The following DIAPH3 variants were observed in gnomAD, a reference collection of about 807,000 sequenced individuals.
DIAPH3 encodes the protein protein diaphanous homolog 3.
In DIAPH3, 117 loss-of-function variants were observed where a neutral mutation model predicts 144.3. That is an observed-to-expected ratio of 0.81 (90% CI 0.70 to 0.95). DIAPH3 has a LOEUF of 0.95. Ranked by LOEUF, DIAPH3 falls within the 40% of genes least tolerant of loss-of-function variation. The pLI, the probability that DIAPH3 is intolerant of heterozygous loss-of-function variation, is 0.00. For synonymous variants in DIAPH3, 519 were observed against 488.9 expected (o/e 1.06, Z -0.81); for missense variants, 1,421 against 1,412.7 (o/e 1.01, Z -0.09).
chr13:59,966,762 T>C (rs2140533755), intron 17 of DIAPH3, among the ~76,000 whole-genome samples: 1 of 152,286 alleles, frequency 6.6e-6, no homozygotes, highest in South Asian at 2.1e-4. Context: ...GCATCTATCA[T>C]TTAAATGCCT....
In DIAPH3 at chr13:60,133,007, G is replaced by C; in HGVS notation, c.181-18C>G. ...TTTAAATGCTGCAAATTAAAAAAAAGCAATCATATTAGTAATTTATAACAG... is the reference window on the plus strand; with the variant it reads ...TTTAAATGCTGCAAATTAAAAAAAACCAATCATATTAGTAATTTATAACAG... On this transcript the variant is annotated intron_variant, in intron 1 of 27. Coordinates refer to ENST00000400324, the MANE Select transcript of DIAPH3 (RefSeq NM_001042517.2). The C allele has an allele frequency of 6.3e-7, 1 of 1,575,316 alleles. No homozygotes were observed. Among genetic ancestry groups the C allele is most frequent in the South Asian group, 1.1e-5 (1 of 89,430 alleles).
chr13:59,989,832 A>G (rs1388338825), intron 12 of DIAPH3, among the ~76,000 whole-genome samples: 1 of 151,936 alleles, frequency 6.6e-6, no homozygotes, highest in Non-Finnish European at 1.5e-5. Context: ...CTGCAGGACT[A>G]CAGGCATGTT....
chr13:60,149,210 G>A (rs1321212222), intron 1 of DIAPH3, among the ~76,000 whole-genome samples: 8 of 152,170 alleles, frequency 5.3e-5, no homozygotes, highest in African/African-American at 1.7e-4. Flanking sequence ...GCCAAAAACA[G>A]CAGTAAAGAG....
At chr13:59,922,690 G>C (rs1173104032) in intron 18 of DIAPH3, among the ~76,000 whole-genome samples, 2 of 152,048 alleles carry the variant, frequency 1.3e-5, no homozygotes, top group African/African-American at 4.8e-5. Context: ...GCTACCATCA[G>C]AGAGGAGAAG....
At chr13:60,128,750 T>C (rs1378482563) in intron 2 of DIAPH3, among the ~76,000 whole-genome samples, 1 of 151,400 alleles carries the variant, frequency 6.6e-6, no homozygotes, top group Non-Finnish European at 1.5e-5. Context: ...TTGTGGGTCA[T>C]GAAATCAATT....
At chr13:59,768,662 G>T (rs563924159) in intron 27 of DIAPH3, among the ~76,000 whole-genome samples, 15 of 152,090 alleles carry the variant, frequency 9.9e-5, no homozygotes, top group Non-Finnish European at 2.2e-4. Flanking sequence ...AGAAAAATAT[G>T]CTAATTCAAA....
intron 25 of DIAPH3, among the ~76,000 whole-genome samples, chr13:59,795,288 C>T (rs2039531824): frequency 6.6e-6 from 1 of 152,090 alleles, no homozygotes; most frequent in African/African-American, 2.4e-5. Flanking sequence ...AGTAGATAGG[C>T]TGATAATATA....
chr13:59,887,500 A>G (rs1393509894), intron 20 of DIAPH3, among the ~76,000 whole-genome samples: 1 of 152,044 alleles, frequency 6.6e-6, no homozygotes, highest in Non-Finnish European at 1.5e-5. Flanking sequence ...TAGGTTATGC[A>G]ATTTTTAGAC....
At chr13:59,802,783 G>A (rs1162984018) in intron 25 of DIAPH3, among the ~76,000 whole-genome samples, 3 of 142,274 alleles carry the variant, frequency 2.1e-5, no homozygotes, top group Non-Finnish European at 4.5e-5. Context: ...GCGGGTTCAC[G>A]CCATTCTCCT....
intron 1 of DIAPH3, among the ~76,000 whole-genome samples, chr13:60,144,276 G>A (rs1951405834): frequency 6.6e-6 from 1 of 152,088 alleles, no homozygotes; most frequent in African/African-American, 2.4e-5. Context: ...AGCCTGCCAT[G>A]GATAATTTTA....
intron 22 of DIAPH3, among the ~76,000 whole-genome samples, chr13:59,854,009 T>C (rs1029477584): frequency 1.1e-4 from 17 of 152,098 alleles, no homozygotes; most frequent in African/African-American, 2.2e-4. Context: ...TATTTGGAAA[T>C]AGGAACTTTG....
intron 5 of DIAPH3, among the ~76,000 whole-genome samples, chr13:60,018,039 G>A (rs1368128789): frequency 6.6e-6 from 1 of 152,184 alleles, no homozygotes; most frequent in Non-Finnish European, 1.5e-5. Flanking sequence ...GCAGGGAAGT[G>A]AGGAGAAATC....
At chr13:59,843,643 C>A (rs1802739014) in intron 22 of DIAPH3, among the ~76,000 whole-genome samples, 1 of 152,186 alleles carries the variant, frequency 6.6e-6, no homozygotes, top group African/African-American at 2.4e-5. Context: ...TCTACAGATG[C>A]AAATCTCACT....
rs2057868480 is a variant in DIAPH3, at chr13:60,089,715, A to G, written c.495+3913T>C. Among the ~76,000 whole-genome samples the G allele has an allele frequency of 3.3e-5, 5 of 152,320 alleles. No homozygotes were observed. In the South Asian group the frequency reaches 1.0e-3, roughly 32 times the overall value. On this transcript the variant is annotated intron_variant, in intron 4 of 27. Coordinates refer to ENST00000400324, the MANE Select transcript of DIAPH3 (RefSeq NM_001042517.2). ...TTCTTCTTAAAAGACATTTTCTCCA[A>G]TAAACTTGCTGTTAAACATCTGAGT... is the stretch of plus-strand genomic sequence containing the variant.
chr13:59,866,340 G>A (rs1453682963), intron 21 of DIAPH3, among the ~76,000 whole-genome samples: 1 of 152,036 alleles, frequency 6.6e-6, no homozygotes, highest in Non-Finnish European at 1.5e-5. Flanking sequence ...TGGAACACAT[G>A]TCTGTGTGAA....
chr13:60,002,548 T>A (rs982717743), intron 9 of DIAPH3, among the ~76,000 whole-genome samples: 5 of 152,208 alleles, frequency 3.3e-5, no homozygotes, highest in Non-Finnish European at 5.9e-5. Context: ...GGAGTTCACG[T>A]CTTTTGACAG....
intron 27 of DIAPH3, among the ~76,000 whole-genome samples, chr13:59,690,536 C>T (rs2033455568): frequency 1.3e-5 from 2 of 152,096 alleles, no homozygotes; most frequent in Non-Finnish European, 2.9e-5. Flanking sequence ...TTGTTTTCTG[C>T]TATTTTTCAT....
chr13:59,972,060 A>G (rs1159549472), intron 15 of DIAPH3, among the ~76,000 whole-genome samples: 1 of 152,180 alleles, frequency 6.6e-6, no homozygotes, highest in Non-Finnish European at 1.5e-5. Context: ...GTAAGTGACT[A>G]TCTTGTATTA....
intron 2 of DIAPH3, among the ~76,000 whole-genome samples, chr13:60,123,953 A>G (rs557216136): frequency 6.6e-6 from 1 of 152,356 alleles, no homozygotes; most frequent in East Asian, 1.9e-4. Flanking sequence ...AAAGTTAGGC[A>G]CAAATTCAGG....
Sources: allele counts gnomAD v4.1 joint callset (sites outside exome capture counted in the v4.1 genomes callset), GRCh38; gene constraint gnomAD v4.1.1; transcripts MANE v1.5; gene names NCBI Gene and HGNC (gene_info 2026-07-23, HGNC 2026-07-21).